Variants in ULK4 observed in about 807,000 individuals in gnomAD.
ULK4 encodes inactive serine/threonine-protein kinase ULK4.
ULK4 carries 133 observed loss-of-function variants against 160.6 expected under a neutral mutation model. The observed-to-expected ratio is 0.83, with a 90% confidence interval of 0.72 to 0.96. The LOEUF (loss-of-function observed/expected upper bound fraction) is 0.96. Among genes scored for constraint, ULK4 ranks in the 40% least tolerant of loss-of-function variants. ULK4 has a pLI of 0.00. For synonymous variants in ULK4, 534 were observed against 539.8 expected (o/e 0.99, Z 0.15); for missense variants, 1,580 against 1,499.5 (o/e 1.05, Z -0.89).
intron 31 of ULK4, among the ~76,000 whole-genome samples, chr3:41,595,006 T>C (rs2031596745): frequency 1.3e-5 from 2 of 152,110 alleles, no homozygotes; most frequent in South Asian, 4.2e-4. Flanking sequence ...AGAAGCAGTT[T>C]TGGTGTGTGA....
chr3:41,550,378 T>C (rs1437134000), intron 32 of ULK4, among the ~76,000 whole-genome samples: 1 of 151,940 alleles, frequency 6.6e-6, no homozygotes, highest in Non-Finnish European at 1.5e-5. Context: ...ATGAAGCATC[T>C]TGCTGCCTAC....
At chr3:41,923,735 TC>T (rs1230986977) in intron 5 of ULK4, among the ~76,000 whole-genome samples, 1 of 152,192 alleles carries the variant, frequency 6.6e-6, no homozygotes, top group Non-Finnish European at 1.5e-5. Context: ...AGAGAGGCAA[TC>T]AGGGACCAGA....
rs180741706 is a variant in ULK4, at chr3:41,918,823, A to G, written c.644-283T>C. Among the ~76,000 whole-genome samples the G allele has an allele frequency of 6.8e-3, 1,038 of 151,994 alleles. 11 individuals are homozygous for G. The highest frequency in any genetic ancestry group is 1.0e-2 in the Admixed American group (152 of 15,252). On this transcript the variant is annotated intron_variant, in intron 6 of 36. Coordinates refer to ENST00000301831, the MANE Select transcript of ULK4 (RefSeq NM_017886.4). ...TCACCGTGTTAGCCAGGATGGTCTC[A>G]ATCTCCTGACCTCGTGATCCGCCCG...
At chr3:41,895,805 T>G (rs1698132134) in intron 15 of ULK4, among the ~76,000 whole-genome samples, 1 of 152,150 alleles carries the variant, frequency 6.6e-6, no homozygotes, top group African/African-American at 2.4e-5. Context: ...TGACTGCCCT[T>G]ACCTGATAGA....
intron 21 of ULK4, among the ~76,000 whole-genome samples, chr3:41,779,902 G>A (rs1419375567): frequency 1.1e-5 from 1 of 90,872 alleles, no homozygotes; most frequent in African/African-American, 4.3e-5. Flanking sequence ...ACATTAGTGG[G>A]TGCAGCGCAC....
chr3:41,919,825 G>C lies in ULK4; in HGVS notation c.542-7C>G. The C allele has an allele frequency of 6.2e-7, 1 of 1,604,944 alleles. No homozygotes were observed. Among genetic ancestry groups the C allele is most frequent in the Non-Finnish European group, 8.5e-7 (1 of 1,172,952 alleles). ...GCTGTATATACAGGAGATCCTAAAAGCAAAGTATGAAGAACAGCTCGGTTA... is the reference window on the plus strand; with the variant it reads ...GCTGTATATACAGGAGATCCTAAAACCAAAGTATGAAGAACAGCTCGGTTA... On this transcript the variant is annotated splice_region_variant and splice_polypyrimidine_tract_variant and intron_variant, in intron 5 of 36. Coordinates refer to ENST00000301831, the MANE Select transcript of ULK4 (RefSeq NM_017886.4).
intron 30 of ULK4, among the ~76,000 whole-genome samples, chr3:41,640,596 C>T (rs1279301324): frequency 1.3e-5 from 2 of 152,084 alleles, no homozygotes; most frequent in East Asian, 1.9e-4. Flanking sequence ...AGGAAACACA[C>T]GGAGAATCAC....
In ULK4 at chr3:41,610,740, A is replaced by C. The variant is rs561736371; in HGVS notation, c.3120+4929T>G. 3.5e-4 allele frequency among the ~76,000 whole-genome samples: 53 copies of C among 152,370 alleles called. 1 individual carries two copies. The highest frequency in any genetic ancestry group is 1.3e-3 in the African/African-American group (53 of 41,596). On this transcript the variant is annotated intron_variant, in intron 31 of 36. Transcript: ENST00000301831. ...ATTGCTAATCCAATTTTTATTGTTA[A>C]CATTTGCCACTGAAATTGCTCTTTA... is the stretch of plus-strand genomic sequence containing the variant.
chr3:41,959,124 G>C (rs1700582067), intron 1 of ULK4, among the ~76,000 whole-genome samples: 1 of 152,164 alleles, frequency 6.6e-6, no homozygotes, highest in African/African-American at 2.4e-5. Flanking sequence ...AGCACTTTGG[G>C]GGGCCGAGGA....
At chr3:41,873,599 G>A (rs1299983736) in intron 17 of ULK4, among the ~76,000 whole-genome samples, 2 of 152,082 alleles carry the variant, frequency 1.3e-5, no homozygotes, top group Non-Finnish European at 2.9e-5. Flanking sequence ...TGTCGCCCAG[G>A]CTAGAGCGCA....
At chr3:41,614,985 G>A (rs2032889401) in intron 31 of ULK4, among the ~76,000 whole-genome samples, 1 of 152,146 alleles carries the variant, frequency 6.6e-6, no homozygotes, top group Non-Finnish European at 1.5e-5. Context: ...CCAGGCACAA[G>A]AGAACCTTTC....
intron 31 of ULK4, among the ~76,000 whole-genome samples, chr3:41,610,232 G>T (rs898233476): frequency 6.6e-6 from 1 of 151,800 alleles, no homozygotes; most frequent in Non-Finnish European, 1.5e-5. Context: ...GGCCAGACTG[G>T]TCTTGAACTC....
At chr3:41,947,437 A>T (rs1700146668) in intron 2 of ULK4, among the ~76,000 whole-genome samples, 1 of 152,156 alleles carries the variant, frequency 6.6e-6, no homozygotes, top group Admixed American at 6.5e-5. Context: ...GGAGAAGAGG[A>T]GAAAAAAGGC....
chr3:41,863,995 G>A (rs550187345), intron 17 of ULK4, among the ~76,000 whole-genome samples: 1 of 152,054 alleles, frequency 6.6e-6, no homozygotes, highest in South Asian at 2.1e-4. Flanking sequence ...ACTGTCTCTG[G>A]GCCTAATTCA....
chr3:41,926,474 G>A (rs1438543053), intron 5 of ULK4, among the ~76,000 whole-genome samples: 1 of 152,116 alleles, frequency 6.6e-6, no homozygotes. Context: ...GCCAGCAAAG[G>A]AACAAAACTG....
intron 30 of ULK4, among the ~76,000 whole-genome samples, chr3:41,632,506 G>C (rs2033791399): frequency 6.6e-6 from 1 of 151,986 alleles, no homozygotes; most frequent in South Asian, 2.1e-4. Context: ...CATGCACTGG[G>C]CCAAATGAGA....
intron 34 of ULK4, among the ~76,000 whole-genome samples, chr3:41,448,643 G>A (rs188190902): frequency 6.6e-6 from 1 of 152,178 alleles, no homozygotes; most frequent in African/African-American, 2.4e-5. Flanking sequence ...CTGTGGTCCT[G>A]TAAGGGCAGG....
At chr3:41,658,733 A>ACACACACACACACACACTGT (rs1553628718) in intron 30 of ULK4, among the ~76,000 whole-genome samples, 6 of 131,584 alleles carry the variant, frequency 4.6e-5, no homozygotes, top group South Asian at 2.4e-4. Flanking sequence ...AACAGTACAC[A>ACACACACACACACACACTGT]CACACACACA....
chr3:41,823,630 G>C (rs1307104091), intron 18 of ULK4, among the ~76,000 whole-genome samples: 1 of 152,092 alleles, frequency 6.6e-6, no homozygotes, highest in African/African-American at 2.4e-5. Flanking sequence ...GTTGTATTAT[G>C]TATACTATAT....
Sources: allele counts gnomAD v4.1 joint callset (sites outside exome capture counted in the v4.1 genomes callset), GRCh38; gene constraint gnomAD v4.1.1; transcripts MANE v1.5; gene names NCBI Gene and HGNC (gene_info 2026-07-23, HGNC 2026-07-21).